The following ACOX3 variants were observed in gnomAD, a reference collection of about 807,000 sequenced individuals.
The protein encoded by ACOX3 is peroxisomal acyl-coenzyme A oxidase 3.
In ACOX3, 73 loss-of-function variants were observed where a neutral mutation model predicts 81.5. The observed-to-expected ratio is 0.90, with a 90% CI of 0.74 to 1.09. The LOEUF (loss-of-function observed/expected upper bound fraction) is 1.09. Among genes scored for constraint, ACOX3 ranks in the 50% least tolerant of loss-of-function variants. The probability of loss-of-function intolerance (pLI) is 0.00; values close to 1 mark genes in which losing one functional copy is unlikely to be tolerated. For synonymous variants in ACOX3, 387 were observed against 375.1 expected (o/e 1.03, Z -0.37); for missense variants, 947 against 928.0 (o/e 1.02, Z -0.27).
At chr4:8,404,433 TG>T (rs1365322240) in intron 7 of ACOX3, among the ~76,000 whole-genome samples, 14 of 148,566 alleles carry the variant, frequency 9.4e-5, no homozygotes, top group Admixed American at 4.0e-4. Flanking sequence ...TGTCTTGTTT[TG>T]CTTTTTTTTT....
chr4:8,374,978 C>G lies in ACOX3; in HGVS notation c.1828G>C (p.Gly610Arg). The G allele has an allele frequency of 6.6e-7, 1 of 1,513,588 alleles. No individual in the cohort carries two copies. The highest frequency in any genetic ancestry group is 8.9e-7 in the Non-Finnish European group (1 of 1,122,710). 93.8% of individuals were successfully genotyped at this position (1,513,588 alleles called of 1,614,324 possible). A position where few individuals can be genotyped will look rare whatever the true frequency, so the allele number is the denominator to read the frequency against. ...GCAAGCCCGCAGTCAGAAGCCTCAC[C>G]TCGGTAGAGCAGGGCCGCGTGGCGG... ...LSRHAALLYR[G>R]GYFSGEQAGE... The change falls in exon 15 of 18, where the codon GGA (glycine) becomes CGA (arginine). Residue 610 changes from glycine to arginine, a missense_variant and splice_region_variant. Transcript: ENST00000356406.
In ACOX3 at chr4:8,370,827, T is replaced by C. The variant is rs1716090794; in HGVS notation, c.1983+81A>G. 2.9e-6 allele frequency: 4 copies of C among 1,356,370 alleles called. No homozygotes were observed. The highest frequency in any genetic ancestry group is 4.2e-6 in the Non-Finnish European group (4 of 960,698). 84.0% of individuals were successfully genotyped at this position (1,356,370 alleles called of 1,614,324 possible). A position where few individuals can be genotyped will look rare whatever the true frequency, so the allele number is the denominator to read the frequency against. On this transcript the variant is annotated intron_variant, in intron 17 of 17. Transcript: ENST00000356406. This position sits in a 1 kb window ranked among gnomAD's most constrained non-coding sequence, Gnocchi z 6.3. ...CACTTTCCAGAAGACACCAGACCCC[T>C]GACCCACAGGAGCATCTCAGCTCCG... is the stretch of plus-strand genomic sequence containing the variant.
chr4:8,380,144 C>T (rs947120254), intron 14 of ACOX3, among the ~76,000 whole-genome samples: 13 of 151,912 alleles, frequency 8.6e-5, no homozygotes, highest in East Asian at 1.9e-4. Context: ...ACCCTGGCCA[C>T]CTGCTGACTT....
Position 8,399,453 on chromosome 4 carries a change from T to G in ACOX3, c.873+103A>C. On this transcript the variant is annotated intron_variant, in intron 8 of 17. Coordinates refer to ENST00000356406, the MANE Select transcript of ACOX3 (RefSeq NM_003501.3). This position sits in a 1 kb window ranked among gnomAD's most constrained non-coding sequence, Gnocchi z 4.9. Reference sequence around the variant, plus strand: ...ATGCCCCAGCGACACCTGGCCTACGTGGAGGGGTCTCCTTTCCAGGTGCAG... The same window carrying G: ...ATGCCCCAGCGACACCTGGCCTACGGGGAGGGGTCTCCTTTCCAGGTGCAG... 1 of 1,019,818 alleles carries G rather than the reference T, an allele frequency of 9.8e-7. No homozygotes were observed. The highest frequency in any genetic ancestry group is 1.5e-6 in the Non-Finnish European group (1 of 672,428). 63.2% of individuals were successfully genotyped at this position (1,019,818 alleles called of 1,614,324 possible). A position where few individuals can be genotyped will look rare whatever the true frequency, so the allele number is the denominator to read the frequency against.
At chr4:8,377,197 G>A (rs1717075952) in intron 14 of ACOX3, among the ~76,000 whole-genome samples, 1 of 152,194 alleles carries the variant, frequency 6.6e-6, no homozygotes, top group African/African-American at 2.4e-5. Context: ...GCCAATCCCA[G>A]CAGGGCCCAG....
chr4:8,367,300 A>G (rs1715581396), intron 17 of ACOX3, among the ~76,000 whole-genome samples: 1 of 152,008 alleles, frequency 6.6e-6, no homozygotes, highest in Non-Finnish European at 1.5e-5. Context: ...ACCAACATGG[A>G]GAAACCCCAT....
chr4:8,363,353 C>CT (rs1715272779), downstream of ACOX3, among the ~76,000 whole-genome samples: 1 of 152,206 alleles, frequency 6.6e-6, no homozygotes, highest in African/African-American at 2.4e-5. Context: ...TTCTTAAACA[C>CT]TTAATAATCT....
In ACOX3 at chr4:8,432,651, T is replaced by G. The variant is rs1207112280; in HGVS notation, c.-15+7997A>C. Among the ~76,000 whole-genome samples, 5 of 152,288 alleles carry G rather than the reference T, an allele frequency of 3.3e-5. No individual in the cohort carries two copies. The highest frequency in any genetic ancestry group is 1.2e-4 in the African/African-American group (5 of 41,566). On this transcript the variant is annotated intron_variant, in intron 1 of 17. Transcript: ENST00000356406. This position sits in a 1 kb window ranked among gnomAD's most constrained non-coding sequence, Gnocchi z 6.2. Reference sequence around the variant, plus strand: ...CCCTGGAAGGTAATGGGGGCTGCTGTGAAGTGGCTGGAGCCATCATTCTGA... The same window carrying G: ...CCCTGGAAGGTAATGGGGGCTGCTGGGAAGTGGCTGGAGCCATCATTCTGA...
intron 16 of ACOX3, among the ~76,000 whole-genome samples, chr4:8,371,589 A>T (rs967429817): frequency 6.6e-6 from 1 of 152,254 alleles, no homozygotes; most frequent in East Asian, 1.9e-4. Context: ...ACTGCATAGA[A>T]CCCAGGAATG....
intron 1 of ACOX3, among the ~76,000 whole-genome samples, chr4:8,421,600 C>G (rs1404416757): frequency 3.3e-5 from 5 of 152,236 alleles, no homozygotes; most frequent in African/African-American, 1.2e-4. Flanking sequence ...TCTACTTCCT[C>G]TGATCCCTGC....
chr4:8,364,117 G>A (rs898971296), downstream of ACOX3, among the ~76,000 whole-genome samples: 1 of 152,090 alleles, frequency 6.6e-6, no homozygotes, highest in Non-Finnish European at 1.5e-5. The surrounding 1 kb of genome is among the most constrained non-coding windows in gnomAD (Gnocchi z 5.0). Flanking sequence ...CCCTTTTCCT[G>A]TAACACACCT....
chr4:8,427,494 C>G (rs1402272520), intron 1 of ACOX3, among the ~76,000 whole-genome samples: 4 of 152,200 alleles, frequency 2.6e-5, no homozygotes, highest in Admixed American at 2.6e-4. Context: ...TCTGATCCAG[C>G]GAGGCACCGG....
intron 5 of ACOX3, among the ~76,000 whole-genome samples, chr4:8,410,826 AT>A (rs1420233999): frequency 6.6e-6 from 1 of 152,200 alleles, no homozygotes; most frequent in Non-Finnish European, 1.5e-5. Flanking sequence ...CAGCTCCGTG[AT>A]TGACAGTTAT....
At chr4:8,383,726 C>G (rs1717976468) in intron 13 of ACOX3, among the ~76,000 whole-genome samples, 2 of 152,178 alleles carry the variant, frequency 1.3e-5, no homozygotes. Flanking sequence ...CACATGCTAC[C>G]CTTCAGGACT....
chr4:8,425,925 C>T (rs985993455), intron 1 of ACOX3, among the ~76,000 whole-genome samples: 2 of 152,038 alleles, frequency 1.3e-5, no homozygotes, highest in African/African-American at 4.8e-5. Context: ...AGGCCACAAT[C>T]CTCAGGGAAG....
At chr4:8,360,693 C>G in the ACOX3 span, among the ~76,000 whole-genome samples, 1 of 152,120 alleles carries the variant, frequency 6.6e-6, no homozygotes, top group Non-Finnish European at 1.5e-5. Context: ...AGGATGGTCT[C>G]AATCTCCTGA....
At position 8,397,059 on chromosome 4, in the gene ACOX3, C is replaced by A. The variant is rs754294210; in HGVS notation, c.934G>T (p.Val312Leu). Residue 312 changes from valine to leucine, a missense_variant, in exon 9 of 18, where the codon GTG becomes TTG. Coordinates refer to ENST00000356406, the MANE Select transcript of ACOX3 (RefSeq NM_003501.3). ...GSLSSGRVSI[V>L]SLAILNLKLA... Reference sequence around the variant, plus strand: ...TTTAGGTTAAGGATGGCCAGGCTCACGATGGAGACCCGGCCCGAGGACAGG... The same window carrying A: ...TTTAGGTTAAGGATGGCCAGGCTCAAGATGGAGACCCGGCCCGAGGACAGG... 28 of 1,604,014 alleles carry A rather than the reference C, an allele frequency of 1.7e-5. No individual in the cohort carries two copies. The highest frequency in any genetic ancestry group is 2.2e-5 in the Non-Finnish European group (26 of 1,175,828).
chr4:8,356,561 A>G, the ACOX3 span: 2 of 456,486 alleles, frequency 4.4e-6, no homozygotes, highest in Non-Finnish European at 8.8e-6. Flanking sequence ...CTGAAAGGAA[A>G]ACCACACACA....
downstream of ACOX3, among the ~76,000 whole-genome samples, chr4:8,365,983 G>A (rs936890671): frequency 2.0e-5 from 3 of 152,218 alleles, no homozygotes. Context: ...GGCCACGGGG[G>A]TCAGGGGGCA....
Sources: allele counts gnomAD v4.1 joint callset (sites outside exome capture counted in the v4.1 genomes callset), GRCh38; gene constraint gnomAD v4.1.1; non-coding constraint Gnocchi (gnomAD v3.1); transcripts MANE v1.5; gene names NCBI Gene and HGNC (gene_info 2026-07-23, HGNC 2026-07-21).